Variants in ABCB5 observed in about 807,000 individuals in gnomAD.
ABCB5 encodes the protein ATP-binding cassette sub-family B member 5.
In ABCB5, 155 loss-of-function variants were observed where a neutral mutation model predicts 144.2. The ratio of observed to expected loss-of-function variants is 1.08; its 90% confidence interval spans 0.94 to 1.23. ABCB5 has a LOEUF of 1.23. Among genes scored for constraint, ABCB5 ranks in the 50% most tolerant of loss-of-function variants. ABCB5 has a pLI of 0.00. For missense variants in ABCB5, 1,830 were observed against 1,520.8 expected (o/e 1.20, Z -3.38); for synonymous variants, 610 against 528.6 (o/e 1.15, Z -2.11).
chr7:20,745,800 G>A (rs750114257), intron 26 of ABCB5, among the ~76,000 whole-genome samples: 10 of 152,146 alleles, frequency 6.6e-5, no homozygotes, highest in Non-Finnish European at 7.3e-5. Context: ...ACAGTAATCA[G>A]AGGGATCTTT....
At chr7:20,722,704 C>A (rs1253229755) in intron 20 of ABCB5, among the ~76,000 whole-genome samples, 1 of 152,056 alleles carries the variant, frequency 6.6e-6, no homozygotes, top group East Asian at 1.9e-4. Context: ...TGCCTGTAAT[C>A]CCAGCTGCTC....
rs756552332 is a variant in ABCB5, at chr7:20,743,039, C to T, written c.3187C>T (p.Leu1063=). ...TGGGAAAAGCACTTCTGTTCAACTT[C>T]TGCAGAGACTTTATGACCCCGTGCA... ...GCGKSTSVQL[L]QRLYDPVQGQ... is the part of the protein sequence containing the mutation. The change falls in exon 25 of 28, where the codon CTG becomes TTG. Residue 1063 remains leucine (L), a synonymous_variant. Transcript: ENST00000404938. 14 of 1,614,120 alleles carry T rather than the reference C, an allele frequency of 8.7e-6. No individual in the cohort carries two copies. In the Admixed American group the frequency reaches 2.2e-4, roughly 25 times the overall value.
intron 5 of ABCB5, among the ~76,000 whole-genome samples, chr7:20,635,969 A>G (rs1562530802): frequency 6.6e-6 from 1 of 152,188 alleles, no homozygotes. Context: ...TCTCATTCTC[A>G]ATCACATGTC....
At chr7:20,661,566 C>G (rs1785004415) in intron 14 of ABCB5, among the ~76,000 whole-genome samples, 1 of 138,988 alleles carries the variant, frequency 7.2e-6, no homozygotes, top group Admixed American at 7.6e-5. Context: ...GACCGAGTCT[C>G]ACTCTGTCAC....
intron 14 of ABCB5, among the ~76,000 whole-genome samples, chr7:20,667,894 G>T (rs1362410837): frequency 7.2e-6 from 1 of 138,872 alleles, no homozygotes; most frequent in Non-Finnish European, 1.6e-5. Flanking sequence ...ACTGGTTTTC[G>T]TTTTTTTTTT....
At chr7:20,641,007 T>A (rs1784283696) in intron 5 of ABCB5, among the ~76,000 whole-genome samples, 1 of 152,156 alleles carries the variant, frequency 6.6e-6, no homozygotes. Flanking sequence ...TCCCTTTGTT[T>A]TAATTACCAC....
chr7:20,623,411 C>A, intron 2 of ABCB5, 73 bp downstream of exon 2: 5 of 1,220,848 alleles, frequency 4.1e-6, no homozygotes, highest in Non-Finnish European at 5.8e-6. Flanking sequence ...ACACCTATAG[C>A]AAAAATGTTT....
In ABCB5 at chr7:20,755,849, C is replaced by G; in HGVS notation, c.*225C>G. 4.3e-6 allele frequency: 2 copies of G among 469,438 alleles called. No homozygotes were observed. The highest frequency in any genetic ancestry group is 7.6e-6 in the Non-Finnish European group (2 of 263,904). The allele number at this position is 469,438 out of a possible 1,614,324, so 29.1% of individuals were successfully genotyped here. On this transcript the variant is annotated 3_prime_UTR_variant, in exon 28 of 28. Coordinates refer to ENST00000404938, the MANE Select transcript of ABCB5 (RefSeq NM_001163941.2). ...AGTGAAATAATGCTTATATCCTTCA[C>G]TTTATAAAACTATTCTAGCACATTT...
chr7:20,723,063 G>C lies in ABCB5; in HGVS notation c.2469G>C (p.Met823Ile), dbSNP rs375057697. ...IGVLTQNATNMGLSVIISFIY... is the reference protein window; with the variant it reads ...IGVLTQNATNIGLSVIISFIY... ...TCTTAACACAAAATGCAACTAACAT[G>C]GGACTTTCAGTTATCATTTCCTTTA... The change falls in exon 21 of 28, where the codon ATG becomes ATC. Residue 823 changes from methionine to isoleucine, a missense_variant. Physicochemically the swap from Met to Ile is conservative, Grantham distance 10. Transcript: ENST00000404938. 2.5e-6 allele frequency: 4 copies of C among 1,614,098 alleles called. No homozygotes were observed. In the South Asian group the frequency reaches 3.3e-5, roughly 13 times the overall value.
At chr7:20,665,560 G>C (rs1041998918) in intron 14 of ABCB5, among the ~76,000 whole-genome samples, 6 of 152,088 alleles carry the variant, frequency 3.9e-5, no homozygotes, top group African/African-American at 1.2e-4. Context: ...GAAGTTCTCA[G>C]ACTGTATTCT....
At chr7:20,663,433 G>A (rs1785068080) in intron 14 of ABCB5, among the ~76,000 whole-genome samples, 4 of 152,120 alleles carry the variant, frequency 2.6e-5, no homozygotes, top group Middle Eastern at 3.2e-3. Context: ...TTCTGATGAT[G>A]CTAAAACATG....
rs922863419 is a variant in ABCB5 at position 20,739,092 on chromosome 7, G to A, written c.2977G>A (p.Glu993Lys). 6.2e-7 allele frequency: 1 copy of A among 1,609,796 alleles called. No individual in the cohort carries two copies. The highest frequency in any genetic ancestry group is 8.5e-7 in the Non-Finnish European group (1 of 1,178,134). ...SGAAHLFALL[E>K]KKPNIDSRSQ... ...GGCTGCGCATCTGTTTGCCTTGTTG[G>A]AAAAGAAACCAAATATAGACAGCCG... Residue 993 changes from glutamate (E) to lysine (K), a missense_variant, in exon 24 of 28, where the codon GAA (glutamate) becomes AAA (lysine). Physicochemically the swap from Glu to Lys is moderately conservative, Grantham distance 56. Coordinates refer to ENST00000404938, the MANE Select transcript of ABCB5 (RefSeq NM_001163941.2).
intron 13 of ABCB5, among the ~76,000 whole-genome samples, chr7:20,657,809 A>T (rs932546442): frequency 6.6e-6 from 1 of 152,182 alleles, no homozygotes; most frequent in African/African-American, 2.4e-5. Flanking sequence ...GTGAAGATCA[A>T]TCTCTAGAAA....
rs78321621 is a variant in ABCB5, at chr7:20,666,500, G to A, written c.1707+7824G>A. ...GAATCTAGCTGATCTCCTCAGGTCCGTATCTCTGCCTAGCAATTCTGGGAG... is the reference window on the plus strand; with the variant it reads ...GAATCTAGCTGATCTCCTCAGGTCCATATCTCTGCCTAGCAATTCTGGGAG... On this transcript the variant is annotated intron_variant, in intron 14 of 27. Transcript: ENST00000404938. 2.3e-3 allele frequency among the ~76,000 whole-genome samples: 349 copies of A among 152,236 alleles called. 1 individual carries two copies. The highest frequency in any genetic ancestry group is 5.9e-3 in the African/African-American group (247 of 41,516).
chr7:20,732,067 T>C (rs1382028668), intron 23 of ABCB5, among the ~76,000 whole-genome samples: 1 of 152,226 alleles, frequency 6.6e-6, no homozygotes, highest in East Asian at 1.9e-4. Context: ...ACCTTCATGA[T>C]GGGGCTGCTG....
Position 20,678,298 on chromosome 7 carries a change from T to C in ABCB5, c.1708-3207T>C, listed in dbSNP as rs145902653. Among the ~76,000 whole-genome samples, 59 of 152,254 alleles carry C rather than the reference T, an allele frequency of 3.9e-4. 1 individual carries two copies. The East Asian group carries it at 7.7e-3, about 20-fold the overall frequency. On this transcript the variant is annotated intron_variant, in intron 14 of 27. Transcript: ENST00000404938. ...TTGGGAGGTTCCCTTCTCTTATAGA[T>C]TTGGAAAAAAGTTTGAAAGAAATTA...
chr7:20,741,659 A>C (rs1317826942), intron 24 of ABCB5, among the ~76,000 whole-genome samples: 1 of 151,716 alleles, frequency 6.6e-6, no homozygotes, highest in Non-Finnish European at 1.5e-5. Context: ...TTTTTTGTTT[A>C]CTCCTCACCC....
chr7:20,710,031 C>A (rs111486917), intron 20 of ABCB5, among the ~76,000 whole-genome samples: 6,396 of 145,998 alleles, frequency 0.044, 780 homozygotes, highest in African/African-American at 0.15. Context: ...TGCCACTGCA[C>A]TCCATCCTGG....
At chr7:20,685,134 A>T (rs543721508) in intron 15 of ABCB5, among the ~76,000 whole-genome samples, 6 of 152,304 alleles carry the variant, frequency 3.9e-5, no homozygotes, top group African/African-American at 1.4e-4. Context: ...TACAGGGGTG[A>T]CGACTGCACC....
Sources: allele counts gnomAD v4.1 joint callset (sites outside exome capture counted in the v4.1 genomes callset), GRCh38; gene constraint gnomAD v4.1.1; transcripts MANE v1.5; gene names NCBI Gene and HGNC (gene_info 2026-07-23, HGNC 2026-07-21).